Variants in HLA-DQB1 observed in about 807,000 individuals in gnomAD.
HLA-DQB1 encodes the protein major histocompatibility complex, class II, DQ beta 1, also known as HLA class II histocompatibility antigen, DQ beta 1 chain.
In HLA-DQB1, 13 loss-of-function variants were observed where a neutral mutation model predicts 26.4. The observed-to-expected ratio is 0.49, with a 90% CI of 0.32 to 0.78. The LOEUF (loss-of-function observed/expected upper bound fraction) is 0.78. Ranked by LOEUF, HLA-DQB1 falls within the 30% of genes least tolerant of loss-of-function variation. The probability of loss-of-function intolerance (pLI) is 0.03; values close to 1 mark genes in which losing one functional copy is unlikely to be tolerated. For missense variants in HLA-DQB1, 158 were observed against 326.2 expected, an observed-to-expected ratio of 0.48 and a Z score of 3.97; for synonymous variants, 60 against 129.1, an observed-to-expected ratio of 0.46 and a Z score of 3.63.
At chr6:32,661,188 A>G (rs9273558) in intron 4 of HLA-DQB1, among the ~76,000 whole-genome samples, 159 bp downstream of exon 4, 27,757 of 113,706 alleles carry the variant, frequency 0.24, 7,651 homozygotes, top group Middle Eastern at 0.37. Flanking sequence ...CTACCTTTCA[A>G]CCAGTAAAAT....
rs281861956 is a variant in HLA-DQB1 at position 32,665,183 on chromosome 6, C to G, written c.110-116G>C. 47 of 594,024 alleles carry G rather than the reference C, an allele frequency of 7.9e-5. No homozygotes were observed. In the East Asian group the frequency reaches 1.8e-3, roughly 23 times the overall value. The allele number at this position is 594,024 out of a possible 1,614,324, so 36.8% of individuals were successfully genotyped here. A position where few individuals can be genotyped will look rare whatever the true frequency, so the allele number is the denominator to read the frequency against. On this transcript the variant is annotated intron_variant, in intron 1 of 4. Coordinates refer to ENST00000434651, the Ensembl canonical transcript of HLA-DQB1. ...CGCGCGACCTCCAGTTCCCGCCCGC[C>G]CGTGCCTGGCGCTCCAGACCTGGGA...
chr6:32,666,415 A>C (rs9274512), intron 1 of HLA-DQB1, 84 bp downstream of exon 1: 73,915 of 499,184 alleles, frequency 0.15, 9,090 homozygotes, highest in Middle Eastern at 0.26. Flanking sequence ...CCAAGATCAT[A>C]GAGATCACCA....
At position 32,665,048 on chromosome 6, in the gene HLA-DQB1, A is replaced by T. The variant is rs56173496; in HGVS notation, c.129T>A (p.Phe43Leu). 2.4e-5 allele frequency: 34 copies of T among 1,389,636 alleles called. 5 individuals carry two copies. Among genetic ancestry groups the T allele is most frequent in the Non-Finnish European group, 3.4e-5 (34 of 999,830 alleles). The allele number at this position is 1,389,636 out of a possible 1,614,324, so 86.1% of individuals were successfully genotyped here. A position where few individuals can be genotyped will look rare whatever the true frequency, so the allele number is the denominator to read the frequency against. ...CGTTGGTGAAGTAGCACATGCCCTT[A>T]AACTGGAACACGAAATCCTCTGCGG... Residue 43 changes from phenylalanine to leucine, a missense_variant, in exon 2 of 5, where the codon TTT (phenylalanine) becomes TTA (leucine). Transcript: ENST00000434651.
At chr6:32,666,247 T>A (rs9274500) in intron 1 of HLA-DQB1, among the ~76,000 whole-genome samples, 56,616 of 129,340 alleles carry the variant, frequency 0.44, 11,189 homozygotes, top group Middle Eastern at 0.62. Flanking sequence ...GTAGTAAATG[T>A]ACACTTTATC....
exon 1 of HLA-DQB1, chr6:32,666,650 G>C (rs1784200525): frequency 1.3e-6 from 1 of 742,996 alleles, no homozygotes; most frequent in Non-Finnish European, 2.3e-6. Context: ...ACACAGCTCG[G>C]ACCTGATGGA....
exon 2 of HLA-DQB1, chr6:32,665,043 C>G (rs1130375): frequency 0.24 from 322,343 of 1,355,548 alleles, 77,807 homozygotes; most frequent in South Asian, 0.37. Context: ...GTAGCACATG[C>G]CCTTAAACTG....
chr6:32,661,922 T>TGTCC (rs28986212), intron 3 of HLA-DQB1, 45 bp downstream of exon 3: 9 of 1,231,932 alleles, frequency 7.3e-6, no homozygotes, highest in Non-Finnish European at 9.9e-6. Flanking sequence ...GAAGGAGCTC[T>TGTCC]TTGTCTTGTG....
chr6:32,660,594 C>G, intron 4 of HLA-DQB1: 1 of 391,566 alleles, frequency 2.6e-6, no homozygotes, highest in East Asian at 5.4e-5. Context: ...TCATGTGGCA[C>G]AAAGTGGGCA....
chr6:32,660,139 G>T, exon 5 of HLA-DQB1: 1 of 593,954 alleles, frequency 1.7e-6, no homozygotes, highest in Non-Finnish European at 2.8e-6. Context: ...TTGATCTCAG[G>T]GGGACAAGCT....
At chr6:32,665,837 GA>G (rs35537450) in intron 1 of HLA-DQB1, among the ~76,000 whole-genome samples, 23,089 of 107,608 alleles carry the variant, frequency 0.21, 2,796 homozygotes, top group South Asian at 0.28. Flanking sequence ...TGTTCTGTCT[GA>G]AGTGAGTGGT....
At chr6:32,660,494 C>A in intron 4 of HLA-DQB1, 2 of 360,900 alleles carry the variant, frequency 5.5e-6, no homozygotes, top group East Asian at 5.4e-5. Flanking sequence ...ATGAAGGGTT[C>A]AGTCTTTTTA....
At chr6:32,665,575 C>G (rs9274451) in intron 1 of HLA-DQB1, among the ~76,000 whole-genome samples, 5,059 of 45,738 alleles carry the variant, frequency 0.11, 1,128 homozygotes, top group Middle Eastern at 0.23. Flanking sequence ...CCTCCCAAGT[C>G]CCGTTGAGGT....
intron 3 of HLA-DQB1, 113 bp from the exon 4 acceptor site, chr6:32,661,570 T>G: frequency 1.6e-6 from 1 of 627,864 alleles, no homozygotes; most frequent in South Asian, 2.1e-5. Flanking sequence ...GGAACCTAGT[T>G]CTCCATTCAG....
chr6:32,660,361 G>A (rs9273483), intron 4 of HLA-DQB1, 112 bp from the exon 5 acceptor site: 120,254 of 446,378 alleles, frequency 0.27, 33,075 homozygotes, highest in Admixed American at 0.49. Context: ...TGAGGTCCAG[G>A]GTGTATTGTC....
At chr6:32,665,325 C>G (rs9274435) in intron 1 of HLA-DQB1, among the ~76,000 whole-genome samples, 10,679 of 126,378 alleles carry the variant, frequency 0.085, 861 homozygotes, top group East Asian at 0.17. Flanking sequence ...GTGAACCCAG[C>G]GAAGAGGCAG....
chr6:32,666,361 G>C (rs281860972), intron 1 of HLA-DQB1, 138 bp downstream of exon 1: 1 of 425,088 alleles, frequency 2.4e-6, no homozygotes, highest in South Asian at 3.3e-5. Context: ...ATGCAACATA[G>C]CTTTCTTTCC....
chr6:32,661,959 C>T lies in HLA-DQB1; in HGVS notation c.661+8G>A, dbSNP rs9273911. 9 of 1,517,532 alleles carry T rather than the reference C, an allele frequency of 5.9e-6. No homozygotes were observed. The highest frequency in any genetic ancestry group is 7.1e-6 in the Non-Finnish European group (8 of 1,121,110). 94.0% of individuals were successfully genotyped at this position (1,517,532 alleles called of 1,614,324 possible). A position where few individuals can be genotyped will look rare whatever the true frequency, so the allele number is the denominator to read the frequency against. ...GCCCATAGTAACAGAAACTCAATAT[C>T]CCCTTACGCCACTCCACGGTGATGG... On this transcript the variant is annotated splice_region_variant and intron_variant, in intron 3 of 4. Coordinates refer to ENST00000434651, the Ensembl canonical transcript of HLA-DQB1.
intron 2 of HLA-DQB1, chr6:32,663,798 A>C (rs281863214): frequency 6.8e-6 from 1 of 146,954 alleles, no homozygotes; most frequent in Non-Finnish European, 1.5e-5. Flanking sequence ...ACCTAGGCCA[A>C]AAGCAACCTG....
At chr6:32,666,125 TA>T (rs997518664) in intron 1 of HLA-DQB1, among the ~76,000 whole-genome samples, 1 of 85,422 alleles carries the variant, frequency 1.2e-5, no homozygotes, top group Non-Finnish European at 2.4e-5. Context: ...CAGGATCTCA[TA>T]ATCCTAAGTC....
Sources: gnomAD v4.1 joint callset for allele counts (sites outside exome capture counted in the v4.1 genomes callset) on GRCh38, gnomAD v4.1.1 for gene constraint, MANE v1.5 for transcripts, NCBI Gene and HGNC (gene_info 2026-07-23, HGNC 2026-07-21) for gene names.